Variants in TCF20 observed in about 807,000 individuals in gnomAD.
The protein encoded by TCF20 is SPRE-binding protein.
A neutral mutation model predicts 148.6 loss-of-function variants in TCF20; 3 were observed. The ratio of observed to expected loss-of-function variants is 0.02; its 90% confidence interval spans 0.01 to 0.05. The LOEUF is 0.05. Ranked by LOEUF, TCF20 falls within the 10% of genes least tolerant of loss-of-function variation. TCF20 has a pLI of 1.00. For synonymous variants in TCF20, 1,049 were observed against 909.5 expected, an observed-to-expected ratio of 1.15 and a Z score of -2.76; for missense variants, 2,350 against 2,429.3, an observed-to-expected ratio of 0.97 and a Z score of 0.69.
chr22:42,220,047 C>A (rs1922210701), intron 1 of TCF20, among the ~76,000 whole-genome samples: 1 of 152,182 alleles, frequency 6.6e-6, no homozygotes, highest in Non-Finnish European at 1.5e-5. Context: ...TCACTCATAA[C>A]CAGCTGCAGA....
chr22:42,214,463 T>C lies in TCF20; in HGVS notation c.843A>G (p.Ala281=). 2 of 1,614,180 alleles carry C rather than the reference T, an allele frequency of 1.2e-6. No homozygotes were observed. The highest frequency in any genetic ancestry group is 1.7e-6 in the Non-Finnish European group (2 of 1,180,030). ...QYEGHNVGSN[A]QAYGTQSNYS... ...AATTGGATTGTGTTCCATAAGCCTG[T>C]GCATTAGAACCCACATTGTGTCCTT... The change falls in exon 2 of 6, where the codon GCA becomes GCG. Residue 281 remains alanine (A), a synonymous_variant. Coordinates refer to ENST00000677622, the MANE Select transcript of TCF20 (RefSeq NM_001378418.1).
At chr22:42,246,965 C>CA (rs1924964935) in intron 1 of TCF20, among the ~76,000 whole-genome samples, 1 of 80,808 alleles carries the variant, frequency 1.2e-5, no homozygotes, top group African/African-American at 5.2e-5. Flanking sequence ...GACTCTGTCT[C>CA]AAAAAATTAA....
In TCF20 at chr22:42,215,113, C is replaced by G; in HGVS notation, c.193G>C (p.Ala65Pro). ...GTCTCGCTAGCCATCGCTGCCGCAG[C>G]AGCTGCTGCTCCTCGTCGTCCACCA... ...SGGGRRGAAA[A>P]AAAMASETSG... The change falls in exon 2 of 6, where the codon GCT becomes CCT. Residue 65 changes from alanine (A) to proline (P), a missense_variant. Coordinates refer to ENST00000677622, the MANE Select transcript of TCF20 (RefSeq NM_001378418.1). 6.2e-7 allele frequency: 1 copy of G among 1,614,194 alleles called. No homozygotes were observed. The highest frequency in any genetic ancestry group is 8.5e-7 in the Non-Finnish European group (1 of 1,180,022).
rs562993080 is a variant in TCF20 at position 42,299,973 on chromosome 22, G to A, written c.-37+43506C>T. Reference sequence around the variant, plus strand: ...GGGGAAGGAAGGGCGGGGAGGGGGAGGGGGAGGGGCGCGCTGAAATCACCC... The same window carrying A: ...GGGGAAGGAAGGGCGGGGAGGGGGAAGGGGAGGGGCGCGCTGAAATCACCC... On this transcript the variant is annotated intron_variant, in intron 1 of 1. Coordinates refer to the TCF20 transcript ENST00000515426. The surrounding 1 kb of genome is among the most constrained non-coding windows in gnomAD (Gnocchi z 4.1). Among the ~76,000 whole-genome samples, 96 of 146,766 alleles carry A rather than the reference G, an allele frequency of 6.5e-4. No individual in the cohort carries two copies. The highest frequency in any genetic ancestry group is 2.1e-3 in the African/African-American group (83 of 39,876).
chr22:42,160,137 C>T lies in TCF20; in HGVS notation c.*1266G>A. On this transcript the variant is annotated 3_prime_UTR_variant, in exon 6 of 6. Coordinates refer to ENST00000677622, the MANE Select transcript of TCF20 (RefSeq NM_001378418.1). The stretch of plus-strand genomic sequence containing the variant: ...ATGGCAGAGTGACCCCTGAAAGATG[C>T]ACTAACCCCTTCTTAAGGCCATAAC... The T allele has an allele frequency of 6.6e-6, 1 of 152,476 alleles. No homozygotes were observed. The highest frequency in any genetic ancestry group is 1.9e-4 in the East Asian group (1 of 5,198). The allele number at this position is 152,476 out of a possible 1,614,324, so 9.4% of individuals were successfully genotyped here.
At position 42,179,644 on chromosome 22, in the gene TCF20, G is replaced by A. The variant is rs758524587; in HGVS notation, c.5714C>T (p.Ser1905Phe). Reference sequence around the variant, plus strand: ...GGCACACGGGTAATGGTATCGGAAGGAGCAGCCTTTGTTGTAGCAGCCCAA... The same window carrying A: ...GGCACACGGGTAATGGTATCGGAAGAAGCAGCCTTTGTTGTAGCAGCCCAA... Reference protein sequence around the residue: ...ATLGCYNKGCSFRYHYPCAID... With the variant: ...ATLGCYNKGCFFRYHYPCAID... Residue 1905 changes from serine to phenylalanine, a missense_variant, in exon 3 of 6, where the codon TCC (serine) becomes TTC (phenylalanine). By Grantham distance (155) the Ser-to-Phe change is radical. Transcript: ENST00000677622. The A allele has an allele frequency of 1.2e-6, 2 of 1,614,160 alleles. No individual in the cohort carries two copies. Among genetic ancestry groups the A allele is most frequent in the Non-Finnish European group, 1.7e-6 (2 of 1,180,014 alleles).
intron 2 of TCF20, among the ~76,000 whole-genome samples, chr22:42,189,683 T>C (rs1937230397): frequency 1.3e-5 from 2 of 152,188 alleles, no homozygotes; most frequent in Admixed American, 1.3e-4. Flanking sequence ...AAAACTTGCT[T>C]TTTAAAATAA....
In TCF20 at chr22:42,210,937, C is replaced by T. The variant is rs761096672; in HGVS notation, c.4369G>A (p.Gly1457Arg). The T allele has an allele frequency of 4.2e-5, 67 of 1,613,956 alleles. No homozygotes were observed. Among genetic ancestry groups the T allele is most frequent in the Non-Finnish European group, 5.1e-5 (60 of 1,180,028 alleles). The change falls in exon 2 of 6, where the codon GGA (glycine) becomes AGA (arginine). Residue 1457 changes from glycine to arginine, a missense_variant. By Grantham distance (125) the Gly-to-Arg change is moderately radical. This residue lies in a region of TCF20 where 231 missense variants were observed against 213.7 expected (regional missense o/e 1.08). Coordinates refer to ENST00000677622, the MANE Select transcript of TCF20 (RefSeq NM_001378418.1). The surrounding 1 kb of genome is among the most constrained non-coding windows in gnomAD (Gnocchi z 4.7). ...GTCATGGCACCAGGGGGTTCCTTTC[C>T]GGCAGTAACTGTTTCTGCATGTGTC... ...TETHAETVTAGKEPPGAMTST... is the reference protein window; with the variant it reads ...TETHAETVTARKEPPGAMTST...
chr22:42,186,207 T>C (rs1937037813), intron 2 of TCF20, among the ~76,000 whole-genome samples: 1 of 152,180 alleles, frequency 6.6e-6, no homozygotes, highest in Non-Finnish European at 1.5e-5. Context: ...CTAATGTGCA[T>C]ACTGTCCAGG....
intron 1 of TCF20, among the ~76,000 whole-genome samples, chr22:42,245,815 C>T (rs531100430): frequency 1.3e-5 from 2 of 152,154 alleles, no homozygotes; most frequent in East Asian, 1.9e-4. Context: ...GGTCTCACTA[C>T]GTTGCCCAGA....
At chr22:42,274,465 G>A (rs1926727255), upstream of TCF20, 3 of 152,368 alleles carry the variant, frequency 2.0e-5, no homozygotes, top group Non-Finnish European at 1.5e-5. Flanking sequence ...TAAAGTTATG[G>A]TGGTGGGGAG....
In TCF20 at chr22:42,299,465, C is replaced by T. The variant is rs1927293606; in HGVS notation, c.-37+44014G>A. Reference sequence around the variant, plus strand: ...CTCCAATGCCCTGGGGCCTCAATTTCCCCCAGGACAAAGGGGCCTCAAGGC... The same window carrying T: ...CTCCAATGCCCTGGGGCCTCAATTTTCCCCAGGACAAAGGGGCCTCAAGGC... On this transcript the variant is annotated intron_variant, in intron 1 of 1. Coordinates refer to the TCF20 transcript ENST00000515426. The surrounding 1 kb of genome is among the most constrained non-coding windows in gnomAD (Gnocchi z 4.1). Among the ~76,000 whole-genome samples, 1 of 152,234 alleles carries T rather than the reference C, an allele frequency of 6.6e-6. No individual in the cohort carries two copies. The highest frequency in any genetic ancestry group is 1.5e-5 in the Non-Finnish European group (1 of 68,044).
At chr22:42,183,968 C>A (rs973584590) in intron 2 of TCF20, among the ~76,000 whole-genome samples, 1 of 152,032 alleles carries the variant, frequency 6.6e-6, no homozygotes. Context: ...GAGGTTTCAC[C>A]ATGTTGGCCA....
chr22:42,190,996 T>A (rs1320825078), intron 2 of TCF20, among the ~76,000 whole-genome samples: 1 of 152,150 alleles, frequency 6.6e-6, no homozygotes, highest in Non-Finnish European at 1.5e-5. Flanking sequence ...GCCTTCAGGT[T>A]CTGCATTAAT....
chr22:42,251,916 C>G (rs1925401937), intron 1 of TCF20, among the ~76,000 whole-genome samples: 1 of 151,848 alleles, frequency 6.6e-6, no homozygotes, highest in Admixed American at 6.6e-5. Context: ...AGAACTGTGT[C>G]TTTTAGGCCA....
At chr22:42,226,773 G>A (rs1282992871) in intron 1 of TCF20, among the ~76,000 whole-genome samples, 1 of 152,078 alleles carries the variant, frequency 6.6e-6, no homozygotes, top group Non-Finnish European at 1.5e-5. Context: ...AGATATCAAT[G>A]ACCAATCCAA....
intron 5 of TCF20, among the ~76,000 whole-genome samples, chr22:42,167,541 C>T (rs558945118): frequency 2.0e-5 from 3 of 152,286 alleles, no homozygotes; most frequent in Non-Finnish European, 2.9e-5. Flanking sequence ...CTTTTCTTTA[C>T]AACCTATTTC....
chr22:42,179,696 A>T lies in TCF20; in HGVS notation c.5662T>A (p.Ser1888Thr), dbSNP rs1220873971. 1.2e-6 allele frequency: 2 copies of T among 1,612,944 alleles called. No homozygotes were observed. Among genetic ancestry groups the T allele is most frequent in the Non-Finnish European group, 1.7e-6 (2 of 1,179,266 alleles). ...ALEIAREMKC[S>T]HCQEAGATLG... ...GTGGCGCCTGCCTCCTGGCAGTGGG[A>T]ACATTTCTGAAAGGAAGGGAAAAGT... Residue 1888 changes from serine (S) to threonine (T), a missense_variant, in exon 3 of 6, where the codon TCC becomes ACC. By Grantham distance (58) the Ser-to-Thr change is moderately conservative. Transcript: ENST00000677622.
At chr22:42,231,243 G>A (rs1923369587) in intron 1 of TCF20, among the ~76,000 whole-genome samples, 2 of 152,094 alleles carry the variant, frequency 1.3e-5, no homozygotes. Context: ...GAACTTTTGG[G>A]AGGCAGAGGA....
Sources: allele counts gnomAD v4.1 joint callset (sites outside exome capture counted in the v4.1 genomes callset), GRCh38; gene constraint gnomAD v4.1.1; regional missense constraint gnomAD v4.1.1; non-coding constraint Gnocchi (gnomAD v3.1); transcripts MANE v1.5; gene names NCBI Gene and HGNC (gene_info 2026-07-23, HGNC 2026-07-21).